Variants in SPAG9 observed in about 807,000 individuals in gnomAD.
SPAG9 encodes sperm associated antigen 9.
A neutral mutation model predicts 166.5 loss-of-function variants in SPAG9; 35 were observed. That is an observed-to-expected ratio of 0.21 (90% CI 0.16 to 0.28). The LOEUF is 0.28. SPAG9 is among the 10% of genes least tolerant of loss of function. The pLI is 1.00. For missense variants in SPAG9, 1,235 were observed against 1,603.3 expected (o/e 0.77, Z 3.92); for synonymous variants, 534 against 565.5 (o/e 0.94, Z 0.79).
intron 1 of SPAG9, among the ~76,000 whole-genome samples, chr17:51,115,583 C>T (rs534481112): frequency 4.6e-5 from 7 of 152,094 alleles, no homozygotes; most frequent in Non-Finnish European, 8.8e-5. Context: ...GCAATCCCAG[C>T]ACTTTAGGAG....
intron 5 of SPAG9, among the ~76,000 whole-genome samples, chr17:51,037,685 A>ATAGT: frequency 1.1e-3 from 88 of 83,508 alleles, no homozygotes; most frequent in South Asian, 8.2e-3. Context: ...ATATATATAT[A>ATAGT]GTGTGTGTGT....
chr17:51,075,732 G>A (rs543889260), intron 2 of SPAG9, among the ~76,000 whole-genome samples: 333 of 152,190 alleles, frequency 2.2e-3, no homozygotes, highest in Non-Finnish European at 3.7e-3. Context: ...GCTAAGGTGG[G>A]AGGATCACTT....
chr17:51,017,345 T>C (rs1251859645), intron 8 of SPAG9, among the ~76,000 whole-genome samples: 4 of 152,160 alleles, frequency 2.6e-5, no homozygotes. Flanking sequence ...ACGAACATGT[T>C]ATTTTAGATA....
intron 1 of SPAG9, among the ~76,000 whole-genome samples, chr17:51,111,096 A>C (rs2049098226): frequency 6.6e-6 from 1 of 152,058 alleles, no homozygotes; most frequent in Admixed American, 6.6e-5. Flanking sequence ...AGCCAGGGTG[A>C]CAGAGCAAGA....
chr17:50,972,898 C>T (rs376861925), intron 28 of SPAG9, among the ~76,000 whole-genome samples: 182 of 152,274 alleles, frequency 1.2e-3, no homozygotes, highest in African/African-American at 4.2e-3. Flanking sequence ...CAACTGGCCT[C>T]GCAACAACCA....
chr17:51,106,790 C>CT (rs1462407022), intron 1 of SPAG9, among the ~76,000 whole-genome samples: 1 of 151,634 alleles, frequency 6.6e-6, no homozygotes, highest in East Asian at 1.9e-4. Context: ...GAGCAAGACT[C>CT]TGTCTTAATT....
intron 3 of SPAG9, among the ~76,000 whole-genome samples, chr17:51,049,708 C>T (rs562947895): frequency 6.6e-6 from 1 of 152,080 alleles, no homozygotes; most frequent in South Asian, 2.1e-4. Context: ...CACATTCAAG[C>T]GATTCTGCCT....
chr17:51,047,440 T>C lies in SPAG9; in HGVS notation c.525A>G (p.Glu175=). 6.3e-7 allele frequency: 1 copy of C among 1,580,778 alleles called. No individual in the cohort carries two copies. ...CTGAGAGCTGATGAAGTTTTGTTCT[T>C]TCTAAATGTTCCATATAATTATGGA... ...EMIHNYMEHL[E]RTKLHQLSGS... The change falls in exon 4 of 30, where the codon GAA becomes GAG. Residue 175 remains glutamate (E), a synonymous_variant. Transcript: ENST00000262013.
At chr17:51,038,109 AT>A (rs1304704226) in intron 5 of SPAG9, among the ~76,000 whole-genome samples, 2 of 152,126 alleles carry the variant, frequency 1.3e-5, no homozygotes, top group Non-Finnish European at 2.9e-5. Flanking sequence ...CTGGCCTTGA[AT>A]TAGGGTATTT....
chr17:51,092,247 G>C (rs1019823873), intron 1 of SPAG9, among the ~76,000 whole-genome samples: 3 of 151,894 alleles, frequency 2.0e-5, no homozygotes, highest in African/African-American at 7.3e-5. Flanking sequence ...ACACTCAAGG[G>C]ATATAATCCC....
At chr17:51,006,056 T>C (rs1238206867) in intron 11 of SPAG9, 29 bp downstream of exon 11, 1 of 1,610,830 alleles carries the variant, frequency 6.2e-7, no homozygotes, top group Admixed American at 1.7e-5. Flanking sequence ...GCAAAGAGTT[T>C]GGTTTAGAAC....
At chr17:51,105,787 G>A (rs376286820) in intron 1 of SPAG9, among the ~76,000 whole-genome samples, 22 of 151,644 alleles carry the variant, frequency 1.5e-4, no homozygotes, top group East Asian at 5.9e-4. Context: ...GGAGAATGGC[G>A]TGAACCCGGG....
chr17:51,061,818 C>T lies in SPAG9; in HGVS notation c.425-5336G>A, dbSNP rs184377503. ...TTTGAATTATTTCTATCATTAATTCCTTCAGCCTCCATTCACAGCTTTCTA... is the reference window on the plus strand; with the variant it reads ...TTTGAATTATTTCTATCATTAATTCTTTCAGCCTCCATTCACAGCTTTCTA... On this transcript the variant is annotated intron_variant, in intron 2 of 29. Coordinates refer to ENST00000262013, the MANE Select transcript of SPAG9 (RefSeq NM_001130528.3). Among the ~76,000 whole-genome samples, 13 of 151,748 alleles carry T rather than the reference C, an allele frequency of 8.6e-5. 1 individual carries two copies. The highest frequency in any genetic ancestry group is 3.1e-4 in the African/African-American group (13 of 41,384).
At chr17:50,978,949 G>T (rs897850969) in intron 26 of SPAG9, among the ~76,000 whole-genome samples, 3 of 152,146 alleles carry the variant, frequency 2.0e-5, no homozygotes, top group African/African-American at 7.2e-5. Context: ...GGGGGTAAAA[G>T]GATAGTGGTA....
chr17:51,033,353 C>A (rs1194294023), intron 5 of SPAG9, among the ~76,000 whole-genome samples: 2 of 144,802 alleles, frequency 1.4e-5, no homozygotes, highest in Non-Finnish European at 3.0e-5. Context: ...CACTTATAAA[C>A]CCACTTATCT....
At chr17:51,072,129 T>C (rs992688927) in intron 2 of SPAG9, among the ~76,000 whole-genome samples, 1 of 152,116 alleles carries the variant, frequency 6.6e-6, no homozygotes, top group African/African-American at 2.4e-5. Context: ...TGGAGTACAG[T>C]GGCGTGATCT....
chr17:51,014,132 C>G, intron 9 of SPAG9, 100 bp downstream of exon 9: 1 of 1,010,168 alleles, frequency 9.9e-7, no homozygotes, highest in South Asian at 2.1e-5. Flanking sequence ...AACCCTGTAT[C>G]ACTGAGCAGT....
chr17:51,001,983 T>C (rs2143966631), intron 12 of SPAG9, 138 bp from the exon 13 acceptor site: 1 of 749,350 alleles, frequency 1.3e-6, no homozygotes. Context: ...GAAAAATGGC[T>C]TTATAAAAAC....
At chr17:50,994,650 G>T (rs1005636162) in intron 18 of SPAG9, among the ~76,000 whole-genome samples, 1 of 152,182 alleles carries the variant, frequency 6.6e-6, no homozygotes, top group Non-Finnish European at 1.5e-5. Context: ...TTGGGTGGCT[G>T]AAGTGGACAG....
Sources: allele counts gnomAD v4.1 joint callset (sites outside exome capture counted in the v4.1 genomes callset), GRCh38; gene constraint gnomAD v4.1.1; transcripts MANE v1.5; gene names NCBI Gene and HGNC (gene_info 2026-07-23, HGNC 2026-07-21).